The following TMEM259 variants were observed in gnomAD, a reference collection of about 807,000 sequenced individuals.
The protein encoded by TMEM259 is membralin.
In TMEM259, 26 loss-of-function variants were observed where a neutral mutation model predicts 46.7. The observed-to-expected ratio is 0.56, with a 90% CI of 0.41 to 0.77. The LOEUF (loss-of-function observed/expected upper bound fraction) is 0.77. Ranked by LOEUF, TMEM259 falls within the 30% of genes least tolerant of loss-of-function variation. The pLI is 0.00. For synonymous variants in TMEM259, 494 were observed against 395.1 expected (o/e 1.25, Z -2.97); for missense variants, 930 against 900.5 (o/e 1.03, Z -0.42).
chr19:1,013,459 TG>T, intron 2 of TMEM259, 119 bp from the exon 3 acceptor site: 2 of 996,010 alleles, frequency 2.0e-6, no homozygotes, highest in Non-Finnish European at 3.0e-6. Context: ...GCCCCACCAC[TG>T]ACCAGGCCAG....
rs368006103 is a variant in TMEM259 at position 1,013,302 on chromosome 19, C to T, written c.546G>A (p.Pro182=). The T allele has an allele frequency of 5.6e-6, 9 of 1,613,828 alleles. No individual in the cohort carries two copies. The highest frequency in any genetic ancestry group is 2.2e-5 in the East Asian group (1 of 44,878). Residue 182 remains proline, a synonymous_variant, in exon 3 of 11, where the codon CCG becomes CCA. Coordinates refer to ENST00000356663, the MANE Select transcript of TMEM259 (RefSeq NM_001033026.2). ...TGTCATTCAGGGCCTCTGTGCTACT[C>T]GGCGGCTTGAACACCTTGGGCTCGA... The part of the protein sequence containing the change: ...LDIEPKVFKP[P]SSTEALNDSQ...
In TMEM259 at chr19:1,012,444, C is replaced by T; in HGVS notation, c.718+19G>A. On this transcript the variant is annotated intron_variant, in intron 4 of 10. Coordinates refer to ENST00000356663, the MANE Select transcript of TMEM259 (RefSeq NM_001033026.2). ...AGGCCCCGCCATGGAGCTCCCCAAG[C>T]CCAGCAGCTCAGACTCACCCAGGGT... 2.5e-6 allele frequency: 4 copies of T among 1,575,964 alleles called. No individual in the cohort carries two copies. Among genetic ancestry groups the T allele is most frequent in the Non-Finnish European group, 3.4e-6 (4 of 1,163,318 alleles).
In TMEM259 at chr19:1,012,085, G is replaced by A. The variant is rs747496294; in HGVS notation, c.822C>T (p.Ala274=). 3.5e-5 allele frequency: 56 copies of A among 1,611,968 alleles called. No individual in the cohort carries two copies. The highest frequency in any genetic ancestry group is 5.5e-5 in the South Asian group (5 of 90,968). The change falls in exon 5 of 11, where the codon GCC becomes GCT. Residue 274 remains alanine, a synonymous_variant. Transcript: ENST00000356663. The part of the protein sequence containing the change: ...DILMSSVKGL[A]ENEENKGFLR... ...CCTCACCCTTGTTCTCCTCGTTCTC[G>A]GCCAGGCCCTTCACGCTGGACATGA...
At chr19:1,012,654 G>A (rs1051350974) in intron 3 of TMEM259, 81 bp from the exon 4 acceptor site, 3 of 1,507,202 alleles carry the variant, frequency 2.0e-6, no homozygotes, top group Non-Finnish European at 2.7e-6. Flanking sequence ...CAGGCGTTGA[G>A]GGGTGGAGGG....
rs551235165 is a variant in TMEM259 at position 1,020,747 on chromosome 19, G to A, written c.225+25C>T. 13 of 1,293,270 alleles carry A rather than the reference G, an allele frequency of 1.0e-5. No individual in the cohort carries two copies. The South Asian group carries it at 3.4e-4, about 34-fold the overall frequency. 80.1% of individuals were successfully genotyped at this position (1,293,270 alleles called of 1,614,324 possible). ...GGTCGGGACAGCCGCTGGGGTCAAG[G>A]GTCGGGGGTCGGGGCCGCGGTCACC... On this transcript the variant is annotated intron_variant, in intron 1 of 10. Transcript: ENST00000356663. The surrounding 1 kb of genome is among the most constrained non-coding windows in gnomAD (Gnocchi z 4.0).
In TMEM259 at chr19:1,011,973, C is replaced by A; in HGVS notation, c.861G>T (p.Val287=). ...TCACAAAGCGGTAGTGCTCGCCCGACACCACATTCCGCAGGAAGCCTGCAG... is the reference window on the plus strand; with the variant it reads ...TCACAAAGCGGTAGTGCTCGCCCGAAACCACATTCCGCAGGAAGCCTGCAG... ...EENKGFLRNV[V]SGEHYRFVSM... is the part of the protein sequence containing the mutation. The change falls in exon 6 of 11, where the codon GTG becomes GTT. Residue 287 remains valine (V), a synonymous_variant. Transcript: ENST00000356663. The A allele has an allele frequency of 6.2e-7, 1 of 1,612,148 alleles. No homozygotes were observed. Among genetic ancestry groups the A allele is most frequent in the Non-Finnish European group, 8.5e-7 (1 of 1,179,556 alleles).
At chr19:1,018,881 C>T (rs1183903204) in intron 1 of TMEM259, among the ~76,000 whole-genome samples, 4 of 151,968 alleles carry the variant, frequency 2.6e-5, no homozygotes, top group South Asian at 2.1e-4. Context: ...CTAGCTACTC[C>T]GCAGGCTGAG....
intron 2 of TMEM259, 22 bp downstream of exon 2, chr19:1,014,170 G>C (rs757014050): frequency 2.5e-6 from 4 of 1,594,208 alleles, no homozygotes; most frequent in Admixed American, 1.7e-5. Context: ...CTCTGCTGCA[G>C]CTGAGCCCAG....
Position 1,010,352 on chromosome 19 carries a change from A to AG in TMEM259, c.1860dup (p.Ter621LeufsTer16). 1 of 1,487,532 alleles carries AG rather than the reference A, an allele frequency of 6.7e-7. No individual in the cohort carries two copies. The highest frequency in any genetic ancestry group is 8.9e-7 in the Non-Finnish European group (1 of 1,127,434). The allele number at this position is 1,487,532 out of a possible 1,614,324, so 92.1% of individuals were successfully genotyped here. A position where few individuals can be genotyped will look rare whatever the true frequency, so the allele number is the denominator to read the frequency against. On this transcript the variant is annotated frameshift_variant, in exon 11 of 11. Transcript: ENST00000356663. LOFTEE classifies it high-confidence loss of function. ...CAGAGGCGGCTCAGCTGTGCGGCTC[A>AG]GGACCCCACCTCCGAGGGCGCCTCC...
At chr19:1,014,120 G>A in intron 2 of TMEM259, 72 bp downstream of exon 2, 1 of 1,532,860 alleles carries the variant, frequency 6.5e-7, no homozygotes, top group Non-Finnish European at 8.9e-7. Context: ...TCGATGTCAG[G>A]AACCGCCCCT....
In TMEM259 at chr19:1,012,499, G is replaced by C; in HGVS notation, c.682C>G (p.Gln228Glu). The C allele has an allele frequency of 6.2e-7, 1 of 1,604,192 alleles. No homozygotes were observed. Among genetic ancestry groups the C allele is most frequent in the African/African-American group, 1.3e-5 (1 of 74,928 alleles). Residue 228 changes from glutamine to glutamate, a missense_variant, in exon 4 of 11, where the codon CAG becomes GAG. Coordinates refer to ENST00000356663, the MANE Select transcript of TMEM259 (RefSeq NM_001033026.2). ...GFLRLSQATR[Q>E]RLSIPVMVVT... is the part of the protein sequence containing the mutation. ...ACCATGACGGGGATGCTCAGGCGCT[G>C]GCGGGTGGCCTGCGACAGGCGAAGG...
chr19:1,011,409 G>T lies in TMEM259; in HGVS notation c.1175C>A (p.Ala392Asp). 1 of 1,563,988 alleles carries T rather than the reference G, an allele frequency of 6.4e-7. No individual in the cohort carries two copies. The highest frequency in any genetic ancestry group is 1.2e-5 in the South Asian group (1 of 85,450). The change falls in exon 9 of 11, where the codon GCC becomes GAC. Residue 392 changes from alanine to aspartate, a missense_variant. Ala to Asp is a moderately radical substitution (Grantham distance 126). Transcript: ENST00000356663. ...GCTGGTGCTGGTGTGGCAGCAGATG[G>T]CGTCATACTGGTCCGCGAGCCACAC... Reference protein sequence around the residue: ...LIVWLADQYDAICCHTSTSKR... With the variant: ...LIVWLADQYDDICCHTSTSKR...
chr19:1,013,581 G>A (rs947444306), intron 2 of TMEM259: 119 of 494,988 alleles, frequency 2.4e-4, no homozygotes, highest in Non-Finnish European at 2.3e-4. Flanking sequence ...TGAGGCAAGG[G>A]CCAGCTACAG....
intron 2 of TMEM259, among the ~76,000 whole-genome samples, chr19:1,013,875 TG>T (rs2039019791): frequency 6.6e-6 from 1 of 152,180 alleles, no homozygotes; most frequent in South Asian, 2.1e-4. Context: ...CAGCTATTGC[TG>T]CCCACTGCAT....
rs149331960 is a variant in TMEM259 at position 1,011,435 on chromosome 19, G to C, written c.1149C>G (p.Ile383Met). The change falls in exon 9 of 11, where the codon ATC becomes ATG. Residue 383 changes from isoleucine to methionine, a missense_variant. By Grantham distance (10) the Ile-to-Met change is conservative. Coordinates refer to ENST00000356663, the MANE Select transcript of TMEM259 (RefSeq NM_001033026.2). ...DTTTAFYIIL[I>M]VWLADQYDAI... is the part of the protein sequence containing the mutation. The stretch of plus-strand genomic sequence containing the variant: ...CGTCATACTGGTCCGCGAGCCACAC[G>C]ATGAGGATGATGTAGAAGGCGGTGG... The C allele has an allele frequency of 7.6e-6, 12 of 1,568,932 alleles. No individual in the cohort carries two copies. Among genetic ancestry groups the C allele is most frequent in the Non-Finnish European group, 9.5e-6 (11 of 1,157,576 alleles).
intron 1 of TMEM259, among the ~76,000 whole-genome samples, chr19:1,018,006 G>A (rs1200541316): frequency 2.0e-5 from 3 of 152,020 alleles, no homozygotes; most frequent in Admixed American, 1.3e-4. Flanking sequence ...TAATCGTCAC[G>A]ACCCCACAAG....
intron 1 of TMEM259, among the ~76,000 whole-genome samples, chr19:1,014,835 A>T (rs2039057241): frequency 6.6e-6 from 1 of 152,178 alleles, no homozygotes; most frequent in East Asian, 1.9e-4. Context: ...GCCCTCTCAG[A>T]TGCACACAGG....
intron 1 of TMEM259, among the ~76,000 whole-genome samples, chr19:1,018,273 C>T (rs1023149939): frequency 1.3e-5 from 2 of 152,226 alleles, no homozygotes; most frequent in Admixed American, 1.3e-4. Flanking sequence ...AGGCCCCTGC[C>T]GCCTCCTCTC....
In TMEM259 at chr19:1,012,550, C is replaced by T. The variant is rs553341186; in HGVS notation, c.631G>A (p.Val211Met). 1.6e-5 allele frequency: 25 copies of T among 1,594,062 alleles called. No homozygotes were observed. In the East Asian group the frequency reaches 3.2e-4, roughly 20 times the overall value. Residue 211 changes from valine (V) to methionine (M), a missense_variant, in exon 4 of 11, where the codon GTG becomes ATG. Transcript: ENST00000356663. ...TKVWPQDEYI[V>M]EYSLEYGFLR... Reference sequence around the variant, plus strand: ...AAGCCATACTCTAGTGAGTACTCCACGATGTACTCGTCCTGCGGCCACACT... The same window carrying T: ...AAGCCATACTCTAGTGAGTACTCCATGATGTACTCGTCCTGCGGCCACACT...
Sources: allele counts gnomAD v4.1 joint callset (sites outside exome capture counted in the v4.1 genomes callset), GRCh38; gene constraint gnomAD v4.1.1; non-coding constraint Gnocchi (gnomAD v3.1); transcripts MANE v1.5; gene names NCBI Gene and HGNC (gene_info 2026-07-23, HGNC 2026-07-21).